USP37: variants seen among roughly 807,000 people sequenced by gnomAD.
The protein encoded by USP37 is ubiquitin carboxyl-terminal hydrolase 37.
Under a neutral mutation model 124.0 loss-of-function variants are expected in USP37, and 27 were observed. That is an observed-to-expected ratio of 0.22 (90% CI 0.16 to 0.30). The LOEUF (loss-of-function observed/expected upper bound fraction) is 0.30. Among genes scored for constraint, USP37 ranks in the 10% least tolerant of loss-of-function variants. The pLI is 1.00. For missense variants in USP37, 889 were observed against 1,140.4 expected (o/e 0.78, Z 3.17); for synonymous variants, 365 against 388.0 (o/e 0.94, Z 0.70).
intron 11 of USP37, among the ~76,000 whole-genome samples, chr2:218,504,705 G>T (rs1574896406): frequency 6.6e-6 from 1 of 152,038 alleles, no homozygotes; most frequent in African/African-American, 2.4e-5. Context: ...AAAGCGCTAG[G>T]ATTACAGATG....
chr2:218,557,005 G>A (rs532304415), intron 4 of USP37, among the ~76,000 whole-genome samples: 1 of 152,108 alleles, frequency 6.6e-6, no homozygotes, highest in East Asian at 1.9e-4. Flanking sequence ...TGGGACTACA[G>A]GTACATACCA....
In USP37 at chr2:218,453,509, A is replaced by G. The variant is rs1310975941; in HGVS notation, c.*1421T>C. 1 of 152,098 alleles carries G rather than the reference A, an allele frequency of 6.6e-6. No individual in the cohort carries two copies. The highest frequency in any genetic ancestry group is 2.4e-5 in the African/African-American group (1 of 41,422). 9.4% of individuals were successfully genotyped at this position (152,098 alleles called of 1,614,324 possible). ...CACGAAAGAATATAATGATGGTTTC[A>G]TTTTTCTATATTTAACTCTGTGTGA... On this transcript the variant is annotated 3_prime_UTR_variant, in exon 26 of 26. Coordinates refer to ENST00000258399, the MANE Select transcript of USP37 (RefSeq NM_020935.3).
intron 10 of USP37, among the ~76,000 whole-genome samples, chr2:218,524,497 G>T (rs1427326647): frequency 6.6e-6 from 1 of 152,100 alleles, no homozygotes; most frequent in East Asian, 1.9e-4. Context: ...CTCCACTCCT[G>T]TATTTCTTTT....
chr2:218,559,919 G>A (rs1386929966), intron 3 of USP37, among the ~76,000 whole-genome samples: 1 of 152,068 alleles, frequency 6.6e-6, no homozygotes, highest in East Asian at 1.9e-4. Context: ...GGTCGAGGCT[G>A]CAGTGAGCCA....
chr2:218,465,944 G>A (rs1434887757), intron 21 of USP37, 66 bp downstream of exon 21: 8 of 1,534,198 alleles, frequency 5.2e-6, no homozygotes, highest in Non-Finnish European at 7.0e-6. Context: ...CAACACATTA[G>A]TTATTATTAT....
chr2:218,528,535 G>T, intron 10 of USP37: 1 of 275,270 alleles, frequency 3.6e-6, no homozygotes, highest in Non-Finnish European at 6.7e-6. Flanking sequence ...TTGGTTTTAT[G>T]TTCCTGTGTC....
Position 218,453,148 on chromosome 2 carries a change from T to A in USP37, c.*1782A>T, listed in dbSNP as rs368062145. 1.3e-5 allele frequency: 2 copies of A among 152,182 alleles called. No individual in the cohort carries two copies. The highest frequency in any genetic ancestry group is 4.8e-5 in the African/African-American group (2 of 41,452). 9.4% of individuals were successfully genotyped at this position (152,182 alleles called of 1,614,324 possible). A position where few individuals can be genotyped will look rare whatever the true frequency, so the allele number is the denominator to read the frequency against. The stretch of plus-strand genomic sequence containing the variant: ...TCAAAGAATGAAAACTTAGAATAGT[T>A]TACTACATTAGAATACATCCAAGTT... On this transcript the variant is annotated 3_prime_UTR_variant, in exon 26 of 26. Coordinates refer to ENST00000258399, the MANE Select transcript of USP37 (RefSeq NM_020935.3).
intron 10 of USP37, chr2:218,528,747 A>C: frequency 2.4e-6 from 1 of 410,670 alleles, no homozygotes; most frequent in African/African-American, 2.2e-5. Flanking sequence ...CTGCATGATC[A>C]CATGTTCTCA....
At chr2:218,516,480 A>G (rs1690288339) in intron 10 of USP37, among the ~76,000 whole-genome samples, 1 of 151,412 alleles carries the variant, frequency 6.6e-6, no homozygotes, top group Non-Finnish European at 1.5e-5. Flanking sequence ...CATAAGTAGC[A>G]GTTGAGCAAT....
Position 218,476,874 on chromosome 2 carries a change from A to G in USP37, c.2009T>C (p.Leu670Ser), listed in dbSNP as rs1356905264. Residue 670 changes from leucine to serine, a missense_variant, in exon 19 of 26, where the codon TTA (leucine) becomes TCA (serine). Physicochemically the swap from Leu to Ser is moderately radical, Grantham distance 145 (BLOSUM62 -2). Around this residue, in one of 3 missense-constraint regions of USP37, gnomAD observed 504 missense variants for 714.3 expected, o/e 0.71. Coordinates refer to ENST00000258399, the MANE Select transcript of USP37 (RefSeq NM_020935.3). ...GTCTTCCTGCTGCTGTTCGTTGCCT[A>G]ACATTTCACAAAGTCTCTGGCTGAG... ...VALSQRLCEM[L>S]GNEQQQEDLE... 1 of 1,606,396 alleles carries G rather than the reference A, an allele frequency of 6.2e-7. No individual in the cohort carries two copies. The highest frequency in any genetic ancestry group is 1.7e-5 in the Admixed American group (1 of 58,336).
At chr2:218,552,789 G>A (rs77976733) in intron 5 of USP37, among the ~76,000 whole-genome samples, 6,080 of 152,130 alleles carry the variant, frequency 0.04, 388 homozygotes, top group African/African-American at 0.14. Context: ...ATAGGTAAGT[G>A]TCTAAGATTT....
At chr2:218,541,325 GC>G (rs1691961696) in intron 8 of USP37, among the ~76,000 whole-genome samples, 1 of 152,134 alleles carries the variant, frequency 6.6e-6, no homozygotes, top group African/African-American at 2.4e-5. Context: ...TACCATACTG[GC>G]AGGGGTAAAT....
chr2:218,477,855 A>C (rs1046963592), intron 18 of USP37, among the ~76,000 whole-genome samples: 1 of 152,310 alleles, frequency 6.6e-6, no homozygotes, highest in South Asian at 2.1e-4. Context: ...AATCGTTAAA[A>C]GGTAAGCTTC....
chr2:218,538,899 T>C (rs1029454836), intron 8 of USP37, among the ~76,000 whole-genome samples: 4 of 152,332 alleles, frequency 2.6e-5, no homozygotes, highest in African/African-American at 9.6e-5. Context: ...ACAGATAGTA[T>C]AGAACTCAAT....
intron 6 of USP37, 40 bp from the exon 7 acceptor site, chr2:218,547,131 AACT>A (rs2106044640): frequency 6.4e-7 from 1 of 1,555,252 alleles, no homozygotes; most frequent in East Asian, 2.3e-5. Flanking sequence ...TCTTCAAATT[AACT>A]GGAATACTTT....
At chr2:218,482,734 G>A (rs940342149) in intron 16 of USP37, among the ~76,000 whole-genome samples, 7 of 152,080 alleles carry the variant, frequency 4.6e-5, no homozygotes, top group Non-Finnish European at 7.4e-5. Context: ...AGAAAGCTAA[G>A]GAGGAAATAC....
chr2:218,546,270 T>C lies in USP37; in HGVS notation c.631A>G (p.Thr211Ala), dbSNP rs751510650. ...TAATCTTCATTCAATTCTGAGCCAG[T>C]TGATATCATTCTTTTCCTCTTTTCA... is the stretch of plus-strand genomic sequence containing the variant. ...RTEKRKRMIS[T>A]GSELNEDYPK... The change falls in exon 8 of 26, where the codon ACT (threonine) becomes GCT (alanine). Residue 211 changes from threonine (T) to alanine (A), a missense_variant. Transcript: ENST00000258399. 6 of 1,613,230 alleles carry C rather than the reference T, an allele frequency of 3.7e-6. No homozygotes were observed. Among genetic ancestry groups the C allele is most frequent in the East Asian group, 4.5e-5 (2 of 44,830 alleles).
At chr2:218,547,529 A>G (rs1480370870) in intron 6 of USP37, among the ~76,000 whole-genome samples, 2 of 151,500 alleles carry the variant, frequency 1.3e-5, no homozygotes, top group African/African-American at 4.9e-5. Flanking sequence ...ATAAACTTAA[A>G]AACTCCACAG....
chr2:218,502,437 A>G (rs1689441248), intron 11 of USP37, among the ~76,000 whole-genome samples: 1 of 152,154 alleles, frequency 6.6e-6, no homozygotes, highest in Non-Finnish European at 1.5e-5. Context: ...GTGGGACGAT[A>G]TCAAATACAA....
Sources: allele counts gnomAD v4.1 joint callset (sites outside exome capture counted in the v4.1 genomes callset), GRCh38; gene constraint gnomAD v4.1.1; regional missense constraint gnomAD v4.1.1; transcripts MANE v1.5; gene names NCBI Gene and HGNC (gene_info 2026-07-23, HGNC 2026-07-21).